The following TNRC6B variants were observed in gnomAD, a reference collection of about 807,000 sequenced individuals.
TNRC6B encodes trinucleotide repeat containing adaptor 6B, also known as trinucleotide repeat-containing gene 6B protein.
TNRC6B carries 52 observed loss-of-function variants against 203.6 expected under a neutral mutation model. That is an observed-to-expected ratio of 0.26 (90% CI 0.20 to 0.32). TNRC6B has a LOEUF of 0.32. TNRC6B is among the 10% of genes least tolerant of loss of function. The probability of loss-of-function intolerance (pLI) is 1.00; values close to 1 mark genes in which losing one functional copy is unlikely to be tolerated. For missense variants in TNRC6B, 1,923 were observed against 2,286.2 expected (o/e 0.84, Z 3.24); for synonymous variants, 838 against 845.7 (o/e 0.99, Z 0.16).
intron 1 of TNRC6B, among the ~76,000 whole-genome samples, chr22:40,086,071 A>C (rs907783112): frequency 6.6e-6 from 1 of 152,010 alleles, no homozygotes; most frequent in African/African-American, 2.4e-5. Context: ...GGGTCTTGCC[A>C]TGTTGCCCAG....
At chr22:40,202,390 T>C (rs988499799) in intron 1 of TNRC6B, among the ~76,000 whole-genome samples, 1 of 152,008 alleles carries the variant, frequency 6.6e-6, no homozygotes, top group African/African-American at 2.4e-5. Flanking sequence ...TTTTAGGGTA[T>C]TATAATTACA....
chr22:40,058,178 C>T (rs1034440468), intron 1 of TNRC6B, among the ~76,000 whole-genome samples: 2 of 152,172 alleles, frequency 1.3e-5, no homozygotes, highest in Non-Finnish European at 2.9e-5. Context: ...ATGCCCCATA[C>T]CCCAGTATGT....
intron 15 of TNRC6B, among the ~76,000 whole-genome samples, chr22:40,303,325 C>G (rs1470784282): frequency 6.6e-6 from 1 of 151,992 alleles, no homozygotes; most frequent in Non-Finnish European, 1.5e-5. Context: ...TGCACCTGGC[C>G]GATTCTTTCT....
intron 21 of TNRC6B, among the ~76,000 whole-genome samples, chr22:40,318,319 G>A (rs547708036): frequency 3.1e-4 from 47 of 152,090 alleles, no homozygotes; most frequent in African/African-American, 9.2e-4. Flanking sequence ...AGGCCGAGGC[G>A]GGCAGATCAC....
intron 3 of TNRC6B, among the ~76,000 whole-genome samples, chr22:40,127,926 G>T (rs1048466774): frequency 2.6e-5 from 4 of 152,176 alleles, no homozygotes; most frequent in South Asian, 2.1e-4. Flanking sequence ...GAAAGAGAAG[G>T]TATAATTGGG....
chr22:40,088,927 C>T (rs949583180), intron 1 of TNRC6B, among the ~76,000 whole-genome samples: 3 of 152,058 alleles, frequency 2.0e-5, no homozygotes, highest in Non-Finnish European at 4.4e-5. Flanking sequence ...TTAAACCTCA[C>T]TAATTCGAAC....
chr22:40,183,518 G>T (rs2069162725), intron 1 of TNRC6B, among the ~76,000 whole-genome samples: 1 of 151,976 alleles, frequency 6.6e-6, no homozygotes, highest in Admixed American at 6.6e-5. Flanking sequence ...ACGTTTACTT[G>T]GCTGTTTTTC....
At chr22:40,180,698 C>T (rs532957930) in intron 1 of TNRC6B, among the ~76,000 whole-genome samples, 95 of 152,306 alleles carry the variant, frequency 6.2e-4, no homozygotes, top group Admixed American at 2.4e-3. Flanking sequence ...TTTGTGCCTT[C>T]TGTTGAAGTT....
chr22:40,082,308 A>C (rs2068069329), intron 1 of TNRC6B, among the ~76,000 whole-genome samples: 1 of 152,248 alleles, frequency 6.6e-6, no homozygotes, highest in South Asian at 2.1e-4. Flanking sequence ...CTGAGAGTTC[A>C]CATTTAAGTT....
rs1444549427 is a variant in TNRC6B, at chr22:40,165,094, C to T, written c.113+8912C>T. On this transcript the variant is annotated intron_variant, in intron 4 of 23. Coordinates refer to the TNRC6B transcript ENST00000301923. Reference sequence around the variant, plus strand: ...ACCGCACCCACCCCTCCCCCCGGCTCTTTTTTTTTTTTTTTTTGAGACAGG... The same window carrying T: ...ACCGCACCCACCCCTCCCCCCGGCTTTTTTTTTTTTTTTTTTTGAGACAGG... 1.3e-3 allele frequency among the ~76,000 whole-genome samples: 175 copies of T among 130,776 alleles called. 1 individual carries two copies. Among genetic ancestry groups the T allele is most frequent in the Admixed American group, 2.6e-3 (33 of 12,924 alleles). 85.8% of individuals were successfully genotyped at this position (130,776 alleles called of 152,430 possible). A position where few individuals can be genotyped will look rare whatever the true frequency, so the allele number is the denominator to read the frequency against.
chr22:40,162,066 G>T (rs1323287772), intron 4 of TNRC6B, among the ~76,000 whole-genome samples: 3 of 152,082 alleles, frequency 2.0e-5, no homozygotes. Flanking sequence ...TTTGTGGGAA[G>T]ATCACTTGTT....
At chr22:40,079,664 G>T (rs1467910542) in intron 1 of TNRC6B, among the ~76,000 whole-genome samples, 1 of 151,770 alleles carries the variant, frequency 6.6e-6, no homozygotes, top group African/African-American at 2.4e-5. Flanking sequence ...TGTCATCCAG[G>T]CTAGAGTACA....
At chr22:40,313,561 G>A (rs2071216405) in intron 19 of TNRC6B, among the ~76,000 whole-genome samples, 1 of 152,200 alleles carries the variant, frequency 6.6e-6, no homozygotes, top group African/African-American at 2.4e-5. Context: ...ACTGAGCATA[G>A]TGCCTTACTG....
chr22:40,141,308 C>A (rs1300447734), intron 3 of TNRC6B, among the ~76,000 whole-genome samples: 1 of 147,392 alleles, frequency 6.8e-6, no homozygotes, highest in Admixed American at 7.1e-5. Context: ...CGGGTTCAGG[C>A]GATGCTCCCA....
At chr22:40,146,989 A>G (rs966741443) in intron 3 of TNRC6B, among the ~76,000 whole-genome samples, 13 of 152,354 alleles carry the variant, frequency 8.5e-5, no homozygotes, top group African/African-American at 2.6e-4. Context: ...GGACATGGCT[A>G]CTGTATTAAA....
chr22:40,126,401 C>A (rs2068493429), intron 3 of TNRC6B, among the ~76,000 whole-genome samples: 1 of 151,900 alleles, frequency 6.6e-6, no homozygotes, highest in Admixed American at 6.6e-5. Flanking sequence ...TCCCTTCCCT[C>A]CCTCTCCCTT....
Position 40,334,507 on chromosome 22 carries a change from A to G in TNRC6B, c.*11266A>G, listed in dbSNP as rs1234565043. 1 of 152,514 alleles carries G rather than the reference A, an allele frequency of 6.6e-6. No individual in the cohort carries two copies. The highest frequency in any genetic ancestry group is 1.5e-5 in the Non-Finnish European group (1 of 68,004). 9.4% of individuals were successfully genotyped at this position (152,514 alleles called of 1,614,324 possible). A position where few individuals can be genotyped will look rare whatever the true frequency, so the allele number is the denominator to read the frequency against. On this transcript the variant is annotated 3_prime_UTR_variant, in exon 23 of 23. Transcript: ENST00000454349. The stretch of plus-strand genomic sequence containing the variant: ...CTATGCCCTCCCCGCCACCCACCTC[A>G]TCCCTGTTCTGCGTAACCAAAAAAC...
upstream of TNRC6B, among the ~76,000 whole-genome samples, chr22:40,173,001 T>C (rs891158774): frequency 2.0e-5 from 3 of 152,260 alleles, no homozygotes; most frequent in South Asian, 2.1e-4. Context: ...TCTGCAGTTA[T>C]GATATCCTCT....
At chr22:40,273,972 G>T (rs549001889) in intron 7 of TNRC6B, among the ~76,000 whole-genome samples, 7 of 152,230 alleles carry the variant, frequency 4.6e-5, no homozygotes, top group African/African-American at 1.4e-4. Context: ...TAAATGAAAG[G>T]TGTGAGGCAA....
Sources: allele counts gnomAD v4.1 joint callset (sites outside exome capture counted in the v4.1 genomes callset), GRCh38; gene constraint gnomAD v4.1.1; transcripts MANE v1.5; gene names NCBI Gene and HGNC (gene_info 2026-07-23, HGNC 2026-07-21).